ATOX1: variants seen among roughly 807,000 people sequenced by gnomAD.
ATOX1 encodes antioxidant 1 copper chaperone.
ATOX1 carries 4 observed loss-of-function variants against 7.3 expected under a neutral mutation model. The ratio of observed to expected loss-of-function variants is 0.55; its 90% CI spans 0.27 to 1.25. The LOEUF (loss-of-function observed/expected upper bound fraction) is 1.25. ATOX1 is among the 50% of genes most tolerant of loss of function. The pLI, the probability that ATOX1 is intolerant of heterozygous loss-of-function variation, is 0.12. For missense variants in ATOX1, 68 were observed against 81.6 expected (o/e 0.83, Z 0.64); for synonymous variants, 25 against 28.7 (o/e 0.87, Z 0.41).
intron 1 of ATOX1, among the ~76,000 whole-genome samples, chr5:151,755,538 C>A (rs896989501): frequency 9.9e-5 from 15 of 152,138 alleles, no homozygotes; most frequent in African/African-American, 3.1e-4. Context: ...ACTAGAAACA[C>A]ATTTTTAGGG....
At chr5:151,753,378 G>C (rs1486687406) in intron 1 of ATOX1, among the ~76,000 whole-genome samples, 3 of 152,182 alleles carry the variant, frequency 2.0e-5, no homozygotes, top group Admixed American at 2.0e-4. Context: ...AGGAGCAATA[G>C]ATAACTAACA....
chr5:151,745,618 T>C (rs1463119223), intron 3 of ATOX1: 1 of 152,300 alleles, frequency 6.6e-6, no homozygotes. Flanking sequence ...ATTGTTTTTG[T>C]ACCAGTCTGG....
chr5:151,750,532 G>T (rs1236377301), intron 2 of ATOX1, among the ~76,000 whole-genome samples: 1 of 141,366 alleles, frequency 7.1e-6, no homozygotes, highest in African/African-American at 2.6e-5. Flanking sequence ...AAAAAAATCT[G>T]CATGTGAGTG....
chr5:151,744,997 T>C (rs1761864529), intron 3 of ATOX1: 2 of 152,218 alleles, frequency 1.3e-5, no homozygotes, highest in Admixed American at 6.5e-5. Flanking sequence ...TGAGGAAAGT[T>C]GGAATTAGAA....
chr5:151,747,967 T>A (rs569976786), intron 2 of ATOX1, among the ~76,000 whole-genome samples: 8 of 152,204 alleles, frequency 5.3e-5, no homozygotes, highest in Non-Finnish European at 1.2e-4. Context: ...CTGTTAAAGG[T>A]CATTGAGGAT....
At chr5:151,751,229 C>T (rs117636362) in intron 2 of ATOX1, among the ~76,000 whole-genome samples, 2 of 140,938 alleles carry the variant, frequency 1.4e-5, no homozygotes, top group African/African-American at 5.4e-5. Flanking sequence ...GCACTCCAGG[C>T]TGAGCAAGAA....
chr5:151,755,242 A>G lies in ATOX1; in HGVS notation c.6+3304T>C, dbSNP rs563327837. ...GCTTTGAAGGGTTTGCAAGATCAAC[A>G]TAAGAGCTAAATCTACTGATTGTCT... is the stretch of plus-strand genomic sequence containing the variant. On this transcript the variant is annotated intron_variant, in intron 1 of 3. Transcript: ENST00000313115. Among the ~76,000 whole-genome samples the G allele has an allele frequency of 1.2e-4, 18 of 152,306 alleles. No individual in the cohort carries two copies. The South Asian group carries it at 3.7e-3, about 32-fold the overall frequency.
intron 1 of ATOX1, 59 bp downstream of exon 1, chr5:151,758,487 C>T: frequency 2.0e-6 from 3 of 1,471,306 alleles, no homozygotes; most frequent in Admixed American, 2.4e-5. Context: ...AGCGGCTGTG[C>T]AGCCGAGAAG....
intron 1 of ATOX1, chr5:151,752,146 G>A (rs1030561527): frequency 8.0e-5 from 51 of 638,212 alleles, no homozygotes; most frequent in Middle Eastern, 2.7e-4. Flanking sequence ...TGACAGGGAT[G>A]GGCCCCCATA....
chr5:151,748,107 C>A (rs1439605203), intron 2 of ATOX1, among the ~76,000 whole-genome samples: 1 of 152,198 alleles, frequency 6.6e-6, no homozygotes, highest in Non-Finnish European at 1.5e-5. Flanking sequence ...ATATTTGGCA[C>A]ATTTTGAATG....
At chr5:151,751,524 G>T (rs1481740737) in intron 2 of ATOX1, among the ~76,000 whole-genome samples, 180 bp downstream of exon 2, 1 of 152,154 alleles carries the variant, frequency 6.6e-6, no homozygotes, top group Non-Finnish European at 1.5e-5. Flanking sequence ...CCGTGGTGAG[G>T]ATTAAATGAT....
At chr5:151,744,826 C>T (rs1017381182) in intron 3 of ATOX1, 1 of 152,160 alleles carries the variant, frequency 6.6e-6, no homozygotes, top group African/African-American at 2.4e-5. Context: ...ATGCTGGAAA[C>T]CGCTGATGTT....
chr5:151,747,069 C>CTTTT (rs202117404), intron 2 of ATOX1, among the ~76,000 whole-genome samples: 2 of 136,694 alleles, frequency 1.5e-5, no homozygotes, highest in African/African-American at 2.7e-5. Flanking sequence ...AATATAGACA[C>CTTTT]TTTTTTTTTT....
intron 1 of ATOX1, among the ~76,000 whole-genome samples, chr5:151,753,264 G>A (rs1761973543): frequency 6.6e-6 from 1 of 152,218 alleles, no homozygotes; most frequent in Admixed American, 6.5e-5. Flanking sequence ...CTGAGCTGGA[G>A]CCACTAGGCC....
intron 3 of ATOX1, chr5:151,745,196 G>A (rs1761866211): frequency 6.6e-6 from 1 of 152,152 alleles, no homozygotes; most frequent in South Asian, 2.1e-4. Flanking sequence ...TATCCTCAAA[G>A]AGGACCTACC....
chr5:151,746,589 G>A, intron 2 of ATOX1, 140 bp from the exon 3 acceptor site: 1 of 1,107,824 alleles, frequency 9.0e-7, no homozygotes, highest in South Asian at 1.5e-5. Context: ...AACTTCTTCT[G>A]TAACAGGCCA....
intron 2 of ATOX1, among the ~76,000 whole-genome samples, chr5:151,751,130 C>G (rs1451589326): frequency 6.6e-6 from 1 of 151,914 alleles, no homozygotes; most frequent in East Asian, 1.9e-4. Context: ...GTGGTGCATG[C>G]CTGTAATCCC....
chr5:151,756,593 C>T (rs1361124722), intron 1 of ATOX1, among the ~76,000 whole-genome samples: 2 of 152,128 alleles, frequency 1.3e-5, no homozygotes, highest in Non-Finnish European at 2.9e-5. Context: ...CCACTTCAGC[C>T]TCCCAAGTAG....
At chr5:151,749,094 T>C (rs576930403) in intron 2 of ATOX1, among the ~76,000 whole-genome samples, 1 of 152,076 alleles carries the variant, frequency 6.6e-6, no homozygotes, top group Non-Finnish European at 1.5e-5. Flanking sequence ...CTGGGATGGG[T>C]AGATGTCTTT....
Sources: gnomAD v4.1 joint callset for allele counts (sites outside exome capture counted in the v4.1 genomes callset) on GRCh38, gnomAD v4.1.1 for gene constraint, MANE v1.5 for transcripts, NCBI Gene and HGNC (gene_info 2026-07-23, HGNC 2026-07-21) for gene names.